The following UBE2D2 variants were observed in gnomAD, a reference collection of about 807,000 sequenced individuals.
UBE2D2 encodes ubiquitin conjugating enzyme E2 D2.
A neutral mutation model predicts 24.2 loss-of-function variants in UBE2D2; 2 were observed. The observed-to-expected ratio is 0.08, with a 90% confidence interval of 0.03 to 0.26. UBE2D2 has a LOEUF of 0.26. Among genes scored for constraint, UBE2D2 ranks in the 10% least tolerant of loss-of-function variants. UBE2D2 has a pLI of 1.00. For synonymous variants in UBE2D2, 58 were observed against 56.5 expected (o/e 1.03, Z -0.12); for missense variants, 44 against 177.6 (o/e 0.25, Z 4.28).
chr5:139,575,456 G>A (rs558815060), intron 1 of UBE2D2, among the ~76,000 whole-genome samples: 22 of 152,130 alleles, frequency 1.4e-4, no homozygotes, highest in Non-Finnish European at 2.8e-4. Flanking sequence ...AAACCTGAAT[G>A]TGAAAAGAAT....
chr5:139,574,987 C>G (rs781593985), intron 1 of UBE2D2, among the ~76,000 whole-genome samples: 1 of 152,136 alleles, frequency 6.6e-6, no homozygotes, highest in Admixed American at 6.6e-5. Context: ...TTAGAAACAA[C>G]TCAGATATCC....
chr5:139,605,617 AAAG>A (rs1486287785), intron 2 of UBE2D2, among the ~76,000 whole-genome samples: 3 of 150,432 alleles, frequency 2.0e-5, no homozygotes, highest in African/African-American at 4.9e-5. Context: ...AAAAAAAAGA[AAAG>A]AAAGAAACAA....
intron 1 of UBE2D2, among the ~76,000 whole-genome samples, chr5:139,539,639 G>T (rs922571821): frequency 2.0e-5 from 3 of 151,506 alleles, no homozygotes; most frequent in Non-Finnish European, 1.5e-5. Flanking sequence ...TCACCCAGGC[G>T]GGAGTGCAGT....
intron 1 of UBE2D2, among the ~76,000 whole-genome samples, chr5:139,595,456 A>C (rs759468383): frequency 6.6e-6 from 1 of 151,688 alleles, no homozygotes; most frequent in East Asian, 1.9e-4. Context: ...TTGTCTCACT[A>C]CAACCTCTGC....
chr5:139,614,494 G>T (rs535023515), intron 2 of UBE2D2, 92 bp from the exon 3 acceptor site: 1 of 1,397,678 alleles, frequency 7.2e-7, no homozygotes. Flanking sequence ...ATTTATAAAT[G>T]AATTTGGATT....
chr5:139,549,812 G>C (rs1244111273), intron 1 of UBE2D2, among the ~76,000 whole-genome samples: 1 of 152,262 alleles, frequency 6.6e-6, no homozygotes, highest in Non-Finnish European at 1.5e-5. Flanking sequence ...CTCCTGAGTT[G>C]GGTGGGGACT....
At chr5:139,617,810 C>T (rs1353534674) in intron 5 of UBE2D2, among the ~76,000 whole-genome samples, 1 of 152,094 alleles carries the variant, frequency 6.6e-6, no homozygotes, top group Admixed American at 6.6e-5. Context: ...ATACATATTT[C>T]ATTGTTGTTA....
At chr5:139,603,375 G>A (rs994581408) in intron 2 of UBE2D2, among the ~76,000 whole-genome samples, 3 of 152,124 alleles carry the variant, frequency 2.0e-5, no homozygotes, top group Non-Finnish European at 1.5e-5. Flanking sequence ...AGCCGAGTGC[G>A]ATGGTTCACG....
rs888750670 is a variant in UBE2D2, at chr5:139,626,920, CAT to C, written c.*120_*121del. The C allele has an allele frequency of 3.1e-5, 24 of 772,446 alleles. No individual in the cohort carries two copies. Among genetic ancestry groups the C allele is most frequent in the Middle Eastern group, 3.1e-4 (1 of 3,272 alleles). The allele number at this position is 772,446 out of a possible 1,614,324, so 47.8% of individuals were successfully genotyped here. A position where few individuals can be genotyped will look rare whatever the true frequency, so the allele number is the denominator to read the frequency against. Reference sequence around the variant, plus strand: ...CCCACGCCTCATCTTCCCCTGTGCACATGTTTACCTGATACAGCAGTGCTGCG... The same window carrying C: ...CCCACGCCTCATCTTCCCCTGTGCACGTTTACCTGATACAGCAGTGCTGCG... On this transcript the variant is annotated 3_prime_UTR_variant, in exon 7 of 7. Transcript: ENST00000398733.
intron 1 of UBE2D2, among the ~76,000 whole-genome samples, chr5:139,566,300 T>C (rs1358792760): frequency 6.6e-6 from 1 of 152,100 alleles, no homozygotes; most frequent in Non-Finnish European, 1.5e-5. Flanking sequence ...ATTACAGGTG[T>C]AAGCCACTGT....
At chr5:139,537,963 C>CAA (rs200505310) in intron 1 of UBE2D2, among the ~76,000 whole-genome samples, 1 of 132,286 alleles carries the variant, frequency 7.6e-6, no homozygotes. Context: ...GACTCCGTCT[C>CAA]AAAAAAAAAA....
chr5:139,583,211 G>A (rs1245099868), intron 1 of UBE2D2, among the ~76,000 whole-genome samples: 4 of 152,010 alleles, frequency 2.6e-5, no homozygotes, highest in Admixed American at 2.0e-4. Context: ...CTGACCTCAG[G>A]TGATCCACCT....
chr5:139,527,801 A>T (rs553320245), intron 1 of UBE2D2, among the ~76,000 whole-genome samples: 1 of 152,260 alleles, frequency 6.6e-6, no homozygotes, highest in Non-Finnish European at 1.5e-5. Context: ...AAAAGTAATA[A>T]GGCCTCCTGT....
Position 139,627,521 on chromosome 5 carries a change from T to C in UBE2D2, c.*720T>C, listed in dbSNP as rs1754657900. The C allele has an allele frequency of 6.5e-6, 1 of 152,708 alleles. No individual in the cohort carries two copies. Among genetic ancestry groups the C allele is most frequent in the South Asian group, 2.1e-4 (1 of 4,836 alleles). 9.5% of individuals were successfully genotyped at this position (152,708 alleles called of 1,614,324 possible). A position where few individuals can be genotyped will look rare whatever the true frequency, so the allele number is the denominator to read the frequency against. ...TCTCAGTTAATACATAGCTAATAGC[T>C]CTTATTTTTCTTATGTTTTTAACCG... is the stretch of plus-strand genomic sequence containing the variant. On this transcript the variant is annotated 3_prime_UTR_variant, in exon 7 of 7. Transcript: ENST00000398733.
At chr5:139,544,349 G>A (rs1040139338) in intron 1 of UBE2D2, among the ~76,000 whole-genome samples, 19 of 150,132 alleles carry the variant, frequency 1.3e-4, no homozygotes, top group African/African-American at 4.7e-4. Context: ...GTGCAATGGC[G>A]CGATCTCGGA....
intron 1 of UBE2D2, among the ~76,000 whole-genome samples, chr5:139,590,911 C>T (rs780673308): frequency 6.8e-6 from 1 of 147,864 alleles, no homozygotes; most frequent in Non-Finnish European, 1.5e-5. Flanking sequence ...TCTTCTGCCT[C>T]AGCCTCCTGA....
intron 1 of UBE2D2, among the ~76,000 whole-genome samples, chr5:139,538,470 A>C (rs1403447522): frequency 6.6e-6 from 1 of 152,208 alleles, no homozygotes; most frequent in Non-Finnish European, 1.5e-5. Flanking sequence ...GCTACAACAT[A>C]GATGAACCTA....
At chr5:139,533,741 C>T (rs1752627349) in intron 1 of UBE2D2, among the ~76,000 whole-genome samples, 1 of 151,518 alleles carries the variant, frequency 6.6e-6, no homozygotes, top group Admixed American at 6.6e-5. Flanking sequence ...CAAGTAATTC[C>T]AAGAATTTAA....
chr5:139,604,219 T>A (rs1274694903), intron 2 of UBE2D2, among the ~76,000 whole-genome samples: 1 of 151,062 alleles, frequency 6.6e-6, no homozygotes, highest in Non-Finnish European at 1.5e-5. Flanking sequence ...TGGCTCACTA[T>A]AACCTTCGCC....
Sources: gnomAD v4.1 joint callset for allele counts (sites outside exome capture counted in the v4.1 genomes callset) on GRCh38, gnomAD v4.1.1 for gene constraint, MANE v1.5 for transcripts, NCBI Gene and HGNC (gene_info 2026-07-23, HGNC 2026-07-21) for gene names.